DMGDH: variants seen among roughly 807,000 people sequenced by gnomAD.
The protein encoded by DMGDH is dimethylglycine dehydrogenase, mitochondrial.
DMGDH carries 76 observed loss-of-function variants against 95.2 expected under a neutral mutation model. That is an observed-to-expected ratio of 0.80 (90% CI 0.66 to 0.97). The LOEUF (loss-of-function observed/expected upper bound fraction) is 0.97, where lower values mean the gene tolerates loss of function less well. DMGDH is among the 50% of genes least tolerant of loss of function. DMGDH has a pLI of 0.00. For synonymous variants in DMGDH, 345 were observed against 377.6 expected (o/e 0.91, Z 1.00); for missense variants, 987 against 1,055.0 (o/e 0.94, Z 0.89).
In DMGDH at chr5:79,015,652, A is replaced by G. The variant is rs372390108; in HGVS notation, c.2250+8619T>C. 1.1e-4 allele frequency among the ~76,000 whole-genome samples: 16 copies of G among 152,370 alleles called. No homozygotes were observed. In the East Asian group the frequency reaches 2.7e-3, roughly 26 times the overall value. The stretch of plus-strand genomic sequence containing the variant: ...TGTTGTATGGCCAGCACCTGTACTC[A>G]GGAAGCTTACATTCTGTTCAAAAGA... On this transcript the variant is annotated intron_variant, in intron 14 of 15. Transcript: ENST00000255189.
At chr5:79,051,180 G>A in intron 5 of DMGDH, 107 bp downstream of exon 5, 1 of 1,197,364 alleles carries the variant, frequency 8.4e-7, no homozygotes. Context: ...TAACTTGGGA[G>A]CATCACAGTG....
chr5:79,058,864 G>A (rs1028051427), intron 2 of DMGDH, among the ~76,000 whole-genome samples: 1 of 152,106 alleles, frequency 6.6e-6, no homozygotes, highest in South Asian at 2.1e-4. Flanking sequence ...ATAGCATAAC[G>A]GATGCTAACT....
chr5:79,030,001 GT>G lies in DMGDH; in HGVS notation c.1716del (p.Lys574ArgfsTer8). ...AGCTCAGCATACACTCGACCCTTGG[GT>G]GTTAACATGTGACTTATATTTGTAA... ...VGFTNISHML[T>X]PKGRVYAELT... On this transcript the variant is annotated frameshift_variant, in exon 11 of 16. Coordinates refer to ENST00000255189, the MANE Select transcript of DMGDH (RefSeq NM_013391.3). LOFTEE classifies it high-confidence loss of function. 5 of 1,613,940 alleles carry G rather than the reference GT, an allele frequency of 3.1e-6. No individual in the cohort carries two copies. The highest frequency in any genetic ancestry group is 4.2e-6 in the Non-Finnish European group (5 of 1,179,928).
intron 15 of DMGDH, among the ~76,000 whole-genome samples, chr5:79,004,153 C>A (rs1410371860): frequency 1.3e-5 from 2 of 152,086 alleles, no homozygotes; most frequent in Non-Finnish European, 2.9e-5. Flanking sequence ...TACTTCTGAG[C>A]CCCTCAAAGC....
At chr5:79,004,836 C>T (rs1302943353) in intron 15 of DMGDH, among the ~76,000 whole-genome samples, 1 of 152,178 alleles carries the variant, frequency 6.6e-6, no homozygotes, top group Non-Finnish European at 1.5e-5. Flanking sequence ...CCTCTATTGT[C>T]ATAAATGTTT....
intron 15 of DMGDH, 103 bp downstream of exon 15, chr5:79,005,170 A>T (rs1365234707): frequency 6.6e-7 from 1 of 1,514,260 alleles, no homozygotes; most frequent in Admixed American, 1.7e-5. Context: ...CATCCCTCCA[A>T]CAAATAATTA....
chr5:79,054,266 C>A lies in DMGDH; in HGVS notation c.458G>T (p.Arg153Leu), dbSNP rs145775047. Residue 153 changes from arginine to leucine, a missense_variant, in exon 4 of 16, where the codon CGG (arginine) becomes CTG (leucine). By Grantham distance (102) the Arg-to-Leu change is moderately radical. Transcript: ENST00000255189. ...CTGTTCTGTTGCATGCCAGCCAGTC[C>A]GAGTCATTTGATATTTAAATTCATC... is the stretch of plus-strand genomic sequence containing the variant. ...RVDEFKYQMT[R>L]TGWHATEQYL... is the part of the protein sequence containing the mutation. The A allele has an allele frequency of 1.2e-6, 2 of 1,613,884 alleles. No individual in the cohort carries two copies. Among genetic ancestry groups the A allele is most frequent in the Non-Finnish European group, 1.7e-6 (2 of 1,180,000 alleles).
At chr5:79,058,250 T>C (rs1313850414) in intron 2 of DMGDH, among the ~76,000 whole-genome samples, 1 of 152,212 alleles carries the variant, frequency 6.6e-6, no homozygotes, top group African/African-American at 2.4e-5. Flanking sequence ...CTTTCTTTTA[T>C]ATATTGGCTT....
In DMGDH at chr5:79,029,971, C is replaced by A. The variant is rs751155711; in HGVS notation, c.1747G>T (p.Val583Phe). The change falls in exon 11 of 16, where the codon GTT becomes TTT. Residue 583 changes from valine to phenylalanine, a missense_variant. Transcript: ENST00000255189. ...AACTCCCCAGGAGATTGGTGAGAAA[C>A]AGTCAGCTCAGCATACACTCGACCC... Reference protein sequence around the residue: ...PKGRVYAELTVSHQSPGEFLL... With the variant: ...PKGRVYAELTFSHQSPGEFLL... The A allele has an allele frequency of 1.2e-5, 20 of 1,614,004 alleles. No homozygotes were observed. Among genetic ancestry groups the A allele is most frequent in the Non-Finnish European group, 1.6e-5 (19 of 1,179,942 alleles).
chr5:79,029,864 TATA>T (rs1561215359), intron 11 of DMGDH, 37 bp downstream of exon 11: 1 of 1,606,264 alleles, frequency 6.2e-7, no homozygotes, highest in Non-Finnish European at 8.5e-7. Context: ...TGAGTCAATA[TATA>T]ATGTGTACAA....
At chr5:79,013,416 C>T (rs1305364975) in intron 14 of DMGDH, among the ~76,000 whole-genome samples, 3 of 152,176 alleles carry the variant, frequency 2.0e-5, no homozygotes, top group African/African-American at 7.2e-5. Context: ...CGATTCAACA[C>T]ATCTCTAGGG....
At chr5:79,051,250 T>C in intron 5 of DMGDH, 37 bp downstream of exon 5, 1 of 1,603,130 alleles carries the variant, frequency 6.2e-7, no homozygotes, top group Non-Finnish European at 8.5e-7. Flanking sequence ...TCTTTGGCAC[T>C]TAAAAAACAC....
chr5:79,027,340 T>G (rs1754030317), intron 12 of DMGDH, among the ~76,000 whole-genome samples: 1 of 152,086 alleles, frequency 6.6e-6, no homozygotes, highest in African/African-American at 2.4e-5. Context: ...CATTTTTTAT[T>G]CTAGAATTTG....
chr5:79,061,419 C>T (rs1755208345), intron 2 of DMGDH, among the ~76,000 whole-genome samples: 1 of 152,166 alleles, frequency 6.6e-6, no homozygotes, highest in Admixed American at 6.5e-5. Flanking sequence ...CCACCTTGAA[C>T]TCACATTGCA....
chr5:79,069,018 T>C (rs1232177976), intron 1 of DMGDH, among the ~76,000 whole-genome samples: 2 of 152,228 alleles, frequency 1.3e-5, no homozygotes, highest in Non-Finnish European at 2.9e-5. Context: ...CAAAGATAGA[T>C]GCCTAAGAAT....
At position 79,026,442 on chromosome 5, in the gene DMGDH, G is replaced by A. The variant is rs1187757434; in HGVS notation, c.2172C>T (p.Phe724=). Residue 724 remains phenylalanine (F), a synonymous_variant, in exon 13 of 16, where the codon TTC becomes TTT. Coordinates refer to ENST00000255189, the MANE Select transcript of DMGDH (RefSeq NM_013391.3). The stretch of plus-strand genomic sequence containing the variant: ...TTCAAACCTCTAACCCCCAGGCTCT[G>A]AAGGCTTTCTCCAGGCGTAAGGCAT... ...AMNALRLEKA[F]RAWGLEMNCD... is the part of the protein sequence containing the mutation. 3.7e-6 allele frequency: 6 copies of A among 1,614,134 alleles called. No individual in the cohort carries two copies. Among genetic ancestry groups the A allele is most frequent in the Admixed American group, 1.7e-5 (1 of 60,016 alleles).
chr5:79,043,329 A>G (rs1438161276), intron 6 of DMGDH, among the ~76,000 whole-genome samples: 1 of 152,166 alleles, frequency 6.6e-6, no homozygotes, highest in Non-Finnish European at 1.5e-5. Flanking sequence ...AGCTGCCAGC[A>G]TGGGGGAACA....
intron 14 of DMGDH, among the ~76,000 whole-genome samples, chr5:79,008,457 C>T (rs1032107010): frequency 7.2e-5 from 11 of 152,154 alleles, no homozygotes; most frequent in Non-Finnish European, 1.3e-4. Flanking sequence ...TGGTTAAGAA[C>T]CAAGATCTCA....
chr5:79,051,946 G>A (rs561247862), intron 4 of DMGDH, among the ~76,000 whole-genome samples: 16 of 152,276 alleles, frequency 1.1e-4, no homozygotes, highest in East Asian at 5.8e-4. Context: ...GATGGGATAC[G>A]TTGATAGAAT....
Sources: gnomAD v4.1 joint callset for allele counts (sites outside exome capture counted in the v4.1 genomes callset) on GRCh38, gnomAD v4.1.1 for gene constraint, MANE v1.5 for transcripts, NCBI Gene and HGNC (gene_info 2026-07-23, HGNC 2026-07-21) for gene names.